The following TMEM67 variants were observed in gnomAD, a reference collection of about 807,000 sequenced individuals.
TMEM67 encodes the protein meckelin.
In TMEM67, 124 loss-of-function variants were observed where a neutral mutation model predicts 136.6. The observed-to-expected ratio is 0.91, with a 90% CI of 0.78 to 1.05. The LOEUF is 1.05. Ranked by LOEUF, TMEM67 falls within the 50% of genes least tolerant of loss-of-function variation. TMEM67 has a pLI of 0.00. For synonymous variants in TMEM67, 364 were observed against 390.5 expected (o/e 0.93, Z 0.80); for missense variants, 1,107 against 1,178.4 (o/e 0.94, Z 0.89).
At chr8:93,783,137 C>A (rs1449372574) in intron 11 of TMEM67, among the ~76,000 whole-genome samples, 2 of 152,082 alleles carry the variant, frequency 1.3e-5, no homozygotes, top group Non-Finnish European at 2.9e-5. Flanking sequence ...AGGCATGTAC[C>A]ACCACACCCA....
chr8:93,821,384 C>T (rs539980035), downstream of TMEM67, among the ~76,000 whole-genome samples: 9 of 152,298 alleles, frequency 5.9e-5, no homozygotes, highest in South Asian at 2.1e-4. Context: ...CAGGCTCAAA[C>T]GATCCTCCCA....
intron 21 of TMEM67, among the ~76,000 whole-genome samples, chr8:93,800,424 T>A (rs1239105247): frequency 1.3e-5 from 2 of 152,148 alleles, no homozygotes; most frequent in Non-Finnish European, 2.9e-5. Flanking sequence ...ACTTTCTGTA[T>A]AGATGGGTTC....
intron 6 of TMEM67, among the ~76,000 whole-genome samples, chr8:93,767,258 C>CTGAT (rs781419183): frequency 9.2e-5 from 14 of 152,232 alleles, no homozygotes; most frequent in Non-Finnish European, 1.6e-4. Context: ...CAGTGGACTG[C>CTGAT]ATCACATCCA....
At chr8:93,795,574 G>T (rs1814576502) in intron 17 of TMEM67, 67 bp downstream of exon 17, 1 of 1,357,012 alleles carries the variant, frequency 7.4e-7, no homozygotes, top group South Asian at 1.2e-5. Context: ...TCTTTATAAA[G>T]GAACTATTTT....
chr8:93,812,695 T>G (rs1808747877), intron 26 of TMEM67, among the ~76,000 whole-genome samples: 1 of 152,228 alleles, frequency 6.6e-6, no homozygotes, highest in African/African-American at 2.4e-5. Context: ...CAGTAAAGTA[T>G]CTGTTATGGG....
In TMEM67 at chr8:93,817,400, CTGT is replaced by C. The variant is rs1808950980; in HGVS notation, c.*949_*951del. 6.6e-6 allele frequency: 1 copy of C among 152,100 alleles called. No individual in the cohort carries two copies. Among genetic ancestry groups the C allele is most frequent in the Non-Finnish European group, 1.5e-5 (1 of 68,048 alleles). 9.4% of individuals were successfully genotyped at this position (152,100 alleles called of 1,614,324 possible). On this transcript the variant is annotated 3_prime_UTR_variant, in exon 28 of 28. Transcript: ENST00000453321. ...ACAAAAATTAGTTGGATGTGGTGGC[CTGT>C]AATCCCAGCTATTTGGGAGGCTGAG...
downstream of TMEM67, among the ~76,000 whole-genome samples, chr8:93,822,377 A>G (rs868335265): frequency 9.9e-5 from 15 of 152,236 alleles, no homozygotes; most frequent in African/African-American, 3.6e-4. Context: ...GAACTTTCAT[A>G]CTGTTTACTA....
Position 93,795,485 on chromosome 8 carries a change from T to G in TMEM67, c.1751T>G (p.Leu584Arg). 6.2e-7 allele frequency: 1 copy of G among 1,613,966 alleles called. No homozygotes were observed. The highest frequency in any genetic ancestry group is 8.5e-7 in the Non-Finnish European group (1 of 1,179,846). The change falls in exon 17 of 28, where the codon CTT becomes CGT. Residue 584 changes from leucine (L) to arginine (R), a missense_variant. By Grantham distance (102) the Leu-to-Arg change is moderately radical. This residue lies in a region of TMEM67 where 925 missense variants were observed against 1,002.4 expected (regional missense o/e 0.92). Transcript: ENST00000453321. ...VFFIITVGTG[L>R]YWLIFFKAQK... ...TTTATCATCACAGTGGGAACAGGTC[T>G]TTACTGGCTTATTTTCTTCAAAGTG...
At chr8:93,782,576 T>G (rs1175072328) in intron 11 of TMEM67, 116 bp downstream of exon 11, 13 of 751,628 alleles carry the variant, frequency 1.7e-5, no homozygotes, top group Admixed American at 2.8e-5. Context: ...TCTTGGTTTT[T>G]TTTTTTTTTT....
chr8:93,775,645 C>G (rs1377652996), intron 7 of TMEM67, among the ~76,000 whole-genome samples: 1 of 152,110 alleles, frequency 6.6e-6, no homozygotes, highest in African/African-American at 2.4e-5. Flanking sequence ...TCAGGTTTGT[C>G]AAGGATCAGA....
chr8:93,818,810 C>G (rs1808991249), downstream of TMEM67, among the ~76,000 whole-genome samples: 1 of 151,530 alleles, frequency 6.6e-6, no homozygotes, highest in South Asian at 2.1e-4. Context: ...GTGTGTGAGA[C>G]AGAGAGAGAG....
At chr8:93,783,977 T>G (rs1277329657) in intron 11 of TMEM67, among the ~76,000 whole-genome samples, 1 of 152,196 alleles carries the variant, frequency 6.6e-6, no homozygotes, top group African/African-American at 2.4e-5. Context: ...CCATATCAAT[T>G]CATTAGTCTG....
chr8:93,794,804 C>G (rs899280339), intron 16 of TMEM67: 1 of 157,646 alleles, frequency 6.3e-6, no homozygotes, highest in African/African-American at 2.4e-5. Context: ...TGAGCAAAGA[C>G]AGACATAGTC....
intron 14 of TMEM67, among the ~76,000 whole-genome samples, chr8:93,788,653 A>G (rs974042752): frequency 2.6e-5 from 4 of 152,234 alleles, no homozygotes; most frequent in African/African-American, 4.8e-5. Context: ...TCACCAATCT[A>G]TGACCCACTT....
chr8:93,771,249 C>CT (rs564652687), intron 6 of TMEM67, among the ~76,000 whole-genome samples: 6,268 of 142,032 alleles, frequency 0.044, 158 homozygotes, highest in African/African-American at 0.067. Flanking sequence ...TTTCTCTGTG[C>CT]TTTTTTTTTT....
intron 14 of TMEM67, among the ~76,000 whole-genome samples, chr8:93,789,679 T>TTG (rs1814286767): frequency 6.7e-6 from 1 of 149,888 alleles, no homozygotes; most frequent in Non-Finnish European, 1.5e-5. Flanking sequence ...TATTTTTTTT[T>TTG]TAATGTAAAA....
rs1563672862 is a variant in TMEM67 at position 93,755,142 on chromosome 8, G to A, written c.223+5G>A. 1.9e-6 allele frequency: 3 copies of A among 1,613,990 alleles called. No individual in the cohort carries two copies. The highest frequency in any genetic ancestry group is 2.5e-6 in the Non-Finnish European group (3 of 1,179,884). ...ACCAGAGGCAAGATGCCCGAGGTAAGACGGTTTGCGGTGGGCCCTGGCAAA... is the reference window on the plus strand; with the variant it reads ...ACCAGAGGCAAGATGCCCGAGGTAAAACGGTTTGCGGTGGGCCCTGGCAAA... On this transcript the variant is annotated splice_donor_5th_base_variant and intron_variant, in intron 1 of 27. Transcript: ENST00000453321.
intron 2 of TMEM67, chr8:93,756,380 A>G (rs1021013894): frequency 6.6e-6 from 1 of 152,266 alleles, no homozygotes; most frequent in Non-Finnish European, 1.5e-5. Context: ...ATTGTATCGT[A>G]ATTTAAAAAA....
intron 10 of TMEM67, among the ~76,000 whole-genome samples, chr8:93,782,019 C>T (rs1374102516): frequency 1.3e-5 from 2 of 151,988 alleles, no homozygotes; most frequent in East Asian, 1.9e-4. Flanking sequence ...TGCGGGTTCA[C>T]GCCATTCTCC....
Sources: gnomAD v4.1 joint callset for allele counts (sites outside exome capture counted in the v4.1 genomes callset) on GRCh38, gnomAD v4.1.1 for gene constraint, gnomAD v4.1.1 regional missense constraint, MANE v1.5 for transcripts, NCBI Gene and HGNC (gene_info 2026-07-23, HGNC 2026-07-21) for gene names.